The following DNAH10 variants were observed in gnomAD, a reference collection of about 807,000 sequenced individuals.
DNAH10 encodes axonemal beta dynein heavy chain 10.
In DNAH10, 348 loss-of-function variants were observed where a neutral mutation model predicts 506.6. The observed-to-expected ratio is 0.69, with a 90% CI of 0.63 to 0.75. The LOEUF (loss-of-function observed/expected upper bound fraction) is 0.75, where lower values mean the gene tolerates loss of function less well. Ranked by LOEUF, DNAH10 falls within the 30% of genes least tolerant of loss-of-function variation. The pLI, the probability that DNAH10 is intolerant of heterozygous loss-of-function variation, is 0.00. For synonymous variants in DNAH10, 2,059 were observed against 2,198.6 expected (o/e 0.94, Z 1.78); for missense variants, 5,179 against 5,787.1 (o/e 0.89, Z 3.41).
chr12:123,775,198 C>T (rs1176382261), intron 5 of DNAH10, among the ~76,000 whole-genome samples: 1 of 152,150 alleles, frequency 6.6e-6, no homozygotes, highest in African/African-American at 2.4e-5. Flanking sequence ...TCACTGCAGC[C>T]TCAACTCTCA....
chr12:123,902,925 G>T lies in DNAH10; in HGVS notation c.9641-14G>T. 1 of 1,571,646 alleles carries T rather than the reference G, an allele frequency of 6.4e-7. No individual in the cohort carries two copies. Among genetic ancestry groups the T allele is most frequent in the Non-Finnish European group, 8.6e-7 (1 of 1,158,966 alleles). ...TGAGCCCAAGCTTTACTCACCCCCT[G>T]TCCTACCCTGCAGCCGAGGAGAAGA... On this transcript the variant is annotated splice_polypyrimidine_tract_variant and intron_variant, in intron 56 of 78. Transcript: ENST00000673944. The surrounding 1 kb of genome is among the most constrained non-coding windows in gnomAD (Gnocchi z 4.5).
At chr12:123,801,714 G>A (rs1000245645) in intron 16 of DNAH10, among the ~76,000 whole-genome samples, 16 of 152,098 alleles carry the variant, frequency 1.1e-4, no homozygotes, top group African/African-American at 3.9e-4. Flanking sequence ...TAATTTGGAG[G>A]TAATTATAGA....
chr12:123,887,420 C>A, intron 52 of DNAH10, 107 bp downstream of exon 52: 1 of 1,310,274 alleles, frequency 7.6e-7, no homozygotes, highest in African/African-American at 1.5e-5. Context: ...TAGCCCTGTG[C>A]GGGTGTACCT....
At chr12:123,830,126 C>T (rs1271617158) in intron 25 of DNAH10, among the ~76,000 whole-genome samples, 1 of 152,092 alleles carries the variant, frequency 6.6e-6, no homozygotes, top group African/African-American at 2.4e-5. Flanking sequence ...AACTCTGTAC[C>T]CCAGTCCACT....
intron 5 of DNAH10, among the ~76,000 whole-genome samples, chr12:123,774,694 A>G (rs35436019): frequency 6.6e-6 from 1 of 152,238 alleles, no homozygotes; most frequent in Non-Finnish European, 1.5e-5. Flanking sequence ...CGCTCATGCT[A>G]TTGCCTGTGG....
In DNAH10 at chr12:123,892,480, G is replaced by A. The variant is rs59550004; in HGVS notation, c.8996-753G>A. 1.7e-3 allele frequency among the ~76,000 whole-genome samples: 262 copies of A among 152,290 alleles called. 3 individuals carry two copies. In the East Asian group the frequency reaches 0.036, roughly 21 times the overall value. ...CCCACCGGGCCCCACCTGTAACACT[G>A]GGGATCACAATTCAACCTGAGATTT... is the stretch of plus-strand genomic sequence containing the variant. On this transcript the variant is annotated intron_variant, in intron 52 of 78. Coordinates refer to ENST00000673944, the MANE Select transcript of DNAH10 (RefSeq NM_001372106.1).
chr12:123,858,954 G>GT (rs986541530), intron 37 of DNAH10, among the ~76,000 whole-genome samples, 196 bp from the exon 38 acceptor site: 3 of 152,078 alleles, frequency 2.0e-5, no homozygotes, highest in African/African-American at 7.2e-5. Flanking sequence ...TGGGTACAGG[G>GT]TTTTTTGTGG....
At chr12:123,820,494 T>C (rs994920387) in intron 23 of DNAH10, 86 bp from the exon 24 acceptor site, 8 of 1,330,028 alleles carry the variant, frequency 6.0e-6, no homozygotes, top group African/African-American at 4.4e-5. Context: ...GAAATTATAA[T>C]TGAGATACAT....
At chr12:123,849,778 T>A (rs1289030520) in intron 34 of DNAH10, among the ~76,000 whole-genome samples, 1 of 152,204 alleles carries the variant, frequency 6.6e-6, no homozygotes, top group East Asian at 1.9e-4. Context: ...GGCCCTGTCA[T>A]CTCACATGCG....
chr12:123,780,169 CTCTCTCTT>C lies in DNAH10; in HGVS notation c.622-907_622-900del, dbSNP rs1165354535. Among the ~76,000 whole-genome samples the C allele has an allele frequency of 4.3e-4, 61 of 141,154 alleles. 1 individual carries two copies. Among genetic ancestry groups the C allele is most frequent in the Non-Finnish European group, 1.9e-4 (12 of 64,688 alleles). The allele number at this position is 141,154 out of a possible 152,430, so 92.6% of individuals were successfully genotyped here. A position where few individuals can be genotyped will look rare whatever the true frequency, so the allele number is the denominator to read the frequency against. ...CTCCTTTCTCTCTCTCTCTCTCTCT[CTCTCTCTT>C]TCTTTCTGAGACAGGGTCTTGCTCT... On this transcript the variant is annotated intron_variant, in intron 5 of 78. Transcript: ENST00000673944.
At chr12:123,931,881 A>G in intron 75 of DNAH10, 34 bp downstream of exon 75, 1 of 1,612,796 alleles carries the variant, frequency 6.2e-7, no homozygotes, top group South Asian at 1.1e-5. Context: ...ATTACTGCCT[A>G]GATACGTGGC....
At chr12:123,809,359 A>G (rs1415451818) in intron 19 of DNAH10, among the ~76,000 whole-genome samples, 1 of 151,868 alleles carries the variant, frequency 6.6e-6, no homozygotes, top group African/African-American at 2.4e-5. Flanking sequence ...AACAAATACA[A>G]ATCAGGCCAG....
chr12:123,802,092 G>A (rs1414888157), intron 16 of DNAH10, among the ~76,000 whole-genome samples: 1 of 152,178 alleles, frequency 6.6e-6, no homozygotes, highest in East Asian at 1.9e-4. Flanking sequence ...GATTTTCGAA[G>A]CATACCCCAC....
At chr12:123,886,477 G>A (rs539496781) in intron 51 of DNAH10, among the ~76,000 whole-genome samples, 17 of 134,872 alleles carry the variant, frequency 1.3e-4, no homozygotes, top group African/African-American at 1.9e-4. Flanking sequence ...TTGCGCGCGC[G>A]CGCGTGTGTG....
At chr12:123,824,477 G>A (rs1959756828) in intron 24 of DNAH10, among the ~76,000 whole-genome samples, 1 of 152,152 alleles carries the variant, frequency 6.6e-6, no homozygotes, top group Non-Finnish European at 1.5e-5. Flanking sequence ...GTTCAGATGG[G>A]CTCACCTGGT....
intron 40 of DNAH10, 72 bp from the exon 41 acceptor site, chr12:123,865,879 G>A (rs1951784191): frequency 1.4e-6 from 2 of 1,422,352 alleles, no homozygotes; most frequent in Non-Finnish European, 1.9e-6. Flanking sequence ...CTTTCCATAA[G>A]AGAAGGTCCT....
intron 8 of DNAH10, among the ~76,000 whole-genome samples, chr12:123,784,610 AC>A (rs1332280392): frequency 1.3e-5 from 2 of 152,230 alleles, no homozygotes; most frequent in Non-Finnish European, 2.9e-5. Flanking sequence ...TATCATTTTA[AC>A]CACTATTAAG....
rs1041598806 is a variant in DNAH10, at chr12:123,907,261, C to T, written c.9816-2000C>T. On this transcript the variant is annotated intron_variant, in intron 57 of 78. Coordinates refer to ENST00000673944, the MANE Select transcript of DNAH10 (RefSeq NM_001372106.1). This position sits in a 1 kb window ranked among gnomAD's most constrained non-coding sequence, Gnocchi z 4.4. ...ACCTTCTCTGAGATTGCAAGGAGCT[C>T]GGCTGGAGAAAAAGCAGAGACAGCT... Among the ~76,000 whole-genome samples, 19 of 152,076 alleles carry T rather than the reference C, an allele frequency of 1.2e-4. No homozygotes were observed. The highest frequency in any genetic ancestry group is 4.6e-4 in the African/African-American group (19 of 41,408).
At chr12:123,862,584 T>C (rs1329606955) in intron 39 of DNAH10, among the ~76,000 whole-genome samples, 1 of 151,600 alleles carries the variant, frequency 6.6e-6, no homozygotes, top group Non-Finnish European at 1.5e-5. Context: ...AGAGACAGAG[T>C]CTCCCTGTAC....
Sources: allele counts gnomAD v4.1 joint callset (sites outside exome capture counted in the v4.1 genomes callset), GRCh38; gene constraint gnomAD v4.1.1; non-coding constraint Gnocchi (gnomAD v3.1); transcripts MANE v1.5; gene names NCBI Gene and HGNC (gene_info 2026-07-23, HGNC 2026-07-21).